Variants in SPECC1 observed in about 807,000 individuals in gnomAD.
SPECC1 encodes the protein cytospin-B.
Under a neutral mutation model 104.1 loss-of-function variants are expected in SPECC1, and 62 were observed. That is an observed-to-expected ratio of 0.60 (90% CI 0.49 to 0.74). The LOEUF (loss-of-function observed/expected upper bound fraction) is 0.74. Among genes scored for constraint, SPECC1 ranks in the 30% least tolerant of loss-of-function variants. The pLI, the probability that SPECC1 is intolerant of heterozygous loss-of-function variation, is 0.00. For missense variants in SPECC1, 1,306 were observed against 1,310.5 expected (o/e 1.00, Z 0.05); for synonymous variants, 513 against 501.6 (o/e 1.02, Z -0.30).
chr17:20,222,019 T>G (rs1286009199), intron 4 of SPECC1, among the ~76,000 whole-genome samples: 2 of 151,630 alleles, frequency 1.3e-5, no homozygotes, highest in Non-Finnish European at 2.9e-5. Context: ...GATTTCAGTT[T>G]TTTTTTTTTT....
intron 3 of SPECC1, among the ~76,000 whole-genome samples, chr17:20,201,275 C>G (rs766180609): frequency 2.0e-5 from 3 of 149,630 alleles, no homozygotes; most frequent in Non-Finnish European, 4.4e-5. Flanking sequence ...GCCTGGCCAA[C>G]ATGGTGAAAC....
rs2040097946 is a variant in SPECC1, at chr17:20,263,359, G to A, written c.2940+3065G>A. Reference sequence around the variant, plus strand: ...ACAGGAAGGGGAACATCACACACGGGGGCCTGTTGTGGGGTGGGGGGAGGG... The same window carrying A: ...ACAGGAAGGGGAACATCACACACGGAGGCCTGTTGTGGGGTGGGGGGAGGG... On this transcript the variant is annotated intron_variant, in intron 12 of 14. Coordinates refer to ENST00000395527, the MANE Select transcript of SPECC1 (RefSeq NM_001243439.2). Among the ~76,000 whole-genome samples, 4 of 144,516 alleles carry A rather than the reference G, an allele frequency of 2.8e-5. No homozygotes were observed. In the South Asian group the frequency reaches 9.3e-4, roughly 33 times the overall value. 94.8% of individuals were successfully genotyped at this position (144,516 alleles called of 152,430 possible). A position where few individuals can be genotyped will look rare whatever the true frequency, so the allele number is the denominator to read the frequency against.
At chr17:20,036,504 A>G (rs2152448369) in intron 1 of SPECC1, among the ~76,000 whole-genome samples, 1 of 152,346 alleles carries the variant, frequency 6.6e-6, no homozygotes, top group East Asian at 1.9e-4. Context: ...TTGGAGTAAT[A>G]TACGTTGTGC....
intron 1 of SPECC1, among the ~76,000 whole-genome samples, chr17:20,014,140 TA>T (rs2044037004): frequency 6.6e-6 from 1 of 152,238 alleles, no homozygotes; most frequent in Non-Finnish European, 1.5e-5. Context: ...TTCTGTCTTT[TA>T]CCTTTTAGTT....
chr17:20,208,467 A>G (rs1160718609), intron 4 of SPECC1, among the ~76,000 whole-genome samples: 1 of 152,216 alleles, frequency 6.6e-6, no homozygotes, highest in East Asian at 1.9e-4. Context: ...ACCACAGACT[A>G]TCAAGTAATC....
At chr17:20,067,606 A>G (rs2152477795) in intron 1 of SPECC1, among the ~76,000 whole-genome samples, 1 of 152,158 alleles carries the variant, frequency 6.6e-6, no homozygotes, top group Middle Eastern at 3.4e-3. Flanking sequence ...TTCTCTATTG[A>G]GATGCCATAA....
intron 2 of SPECC1, among the ~76,000 whole-genome samples, chr17:20,101,913 C>T (rs1261936513): frequency 6.6e-6 from 1 of 152,190 alleles, no homozygotes; most frequent in Non-Finnish European, 1.5e-5. Context: ...TTCTTTTCTA[C>T]ATCTTTGTGG....
chr17:20,301,077 G>T (rs2041560616), intron 13 of SPECC1, among the ~76,000 whole-genome samples: 1 of 152,092 alleles, frequency 6.6e-6, no homozygotes, highest in African/African-American at 2.4e-5. Flanking sequence ...GTGACATTTC[G>T]CCACTTCTTG....
chr17:20,211,662 C>G (rs114886949), intron 4 of SPECC1, among the ~76,000 whole-genome samples: 1 of 152,232 alleles, frequency 6.6e-6, no homozygotes, highest in Non-Finnish European at 1.5e-5. Flanking sequence ...ACCCCCAGGT[C>G]TCTGTTCTTG....
At chr17:20,150,289 C>CTTTTTTT (rs919826782) in intron 3 of SPECC1, among the ~76,000 whole-genome samples, 1 of 140,446 alleles carries the variant, frequency 7.1e-6, no homozygotes, top group Non-Finnish European at 1.6e-5. Flanking sequence ...GGCCTTTTTT[C>CTTTTTTT]TTTTTTTTTT....
At chr17:20,230,837 A>T (rs1457506391) in intron 5 of SPECC1, among the ~76,000 whole-genome samples, 1 of 152,194 alleles carries the variant, frequency 6.6e-6, no homozygotes, top group African/African-American at 2.4e-5. Context: ...TGGACTGGAA[A>T]ATAAAAGGAA....
chr17:20,287,612 C>T (rs1166146821), intron 12 of SPECC1, among the ~76,000 whole-genome samples: 1 of 152,094 alleles, frequency 6.6e-6, no homozygotes, highest in African/African-American at 2.4e-5. Context: ...CCTTAGAGCT[C>T]ATGAAAGCAC....
intron 1 of SPECC1, among the ~76,000 whole-genome samples, chr17:20,078,414 C>G (rs904050762): frequency 6.6e-6 from 1 of 151,824 alleles, no homozygotes; most frequent in Non-Finnish European, 1.5e-5. Context: ...ATATAGAAGG[C>G]CAATAAACAT....
At chr17:20,043,048 CTG>C (rs1377325022) in intron 1 of SPECC1, among the ~76,000 whole-genome samples, 2 of 152,166 alleles carry the variant, frequency 1.3e-5, no homozygotes, top group East Asian at 1.9e-4. Flanking sequence ...TTAAATGAAA[CTG>C]AGTTTTCTTT....
chr17:20,228,542 A>AGTCATCAAGTACTGACACTGT (rs1428448985), intron 5 of SPECC1, among the ~76,000 whole-genome samples: 1 of 152,214 alleles, frequency 6.6e-6, no homozygotes, highest in African/African-American at 2.4e-5. Flanking sequence ...ATTGCTTGCC[A>AGTCATCAAGTACTGACACTGT]GTCATCAAGT....
chr17:20,017,706 C>G (rs1370638921), intron 1 of SPECC1: 1 of 152,172 alleles, frequency 6.6e-6, no homozygotes, highest in Non-Finnish European at 1.5e-5. Context: ...CTTTTTTGCA[C>G]AAATAGTAGC....
chr17:20,194,069 A>G (rs760229087), intron 3 of SPECC1, among the ~76,000 whole-genome samples: 2 of 152,174 alleles, frequency 1.3e-5, no homozygotes, highest in Non-Finnish European at 2.9e-5. Flanking sequence ...GGTAAGACTG[A>G]TTTGTTTTAT....
At chr17:20,170,986 T>A (rs2034045820) in intron 3 of SPECC1, among the ~76,000 whole-genome samples, 1 of 152,216 alleles carries the variant, frequency 6.6e-6, no homozygotes, top group Admixed American at 6.5e-5. Context: ...TTTAAAAAAA[T>A]CTTGGAAGGT....
chr17:20,098,276 C>A (rs1343090506), intron 2 of SPECC1, among the ~76,000 whole-genome samples: 1 of 152,202 alleles, frequency 6.6e-6, no homozygotes, highest in African/African-American at 2.4e-5. Flanking sequence ...AGTGGCATCA[C>A]CCTTAAACCC....
Sources: allele counts gnomAD v4.1 joint callset (sites outside exome capture counted in the v4.1 genomes callset), GRCh38; gene constraint gnomAD v4.1.1; transcripts MANE v1.5; gene names NCBI Gene and HGNC (gene_info 2026-07-23, HGNC 2026-07-21).